Variants in KIAA1217 observed in about 807,000 individuals in gnomAD.
KIAA1217 encodes KIAA1217, also known as sickle tail protein homolog.
Under a neutral mutation model 163.9 loss-of-function variants are expected in KIAA1217, and 88 were observed. The ratio of observed to expected loss-of-function variants is 0.54; its 90% CI spans 0.45 to 0.64. KIAA1217 has a LOEUF of 0.64. Among genes scored for constraint, KIAA1217 ranks in the 30% least tolerant of loss-of-function variants. KIAA1217 has a pLI of 0.00. For missense variants in KIAA1217, 2,372 were observed against 2,475.0 expected (o/e 0.96, Z 0.88); for synonymous variants, 903 against 923.1 (o/e 0.98, Z 0.39).
In KIAA1217 at chr10:23,925,502, G is replaced by A. The variant is rs577681358; in HGVS notation, c.-320-81723G>A. On this transcript the variant is annotated intron_variant, in intron 1 of 18. Transcript: ENST00000376462. ...CAAGGATCAGTCTCTTTTGACTGTC[G>A]CTGGACTTTTCCAACTCGTTTAATA... 7.9e-5 allele frequency among the ~76,000 whole-genome samples: 12 copies of A among 152,296 alleles called. No homozygotes were observed. The South Asian group carries it at 1.7e-3, about 21-fold the overall frequency.
intron 3 of KIAA1217, among the ~76,000 whole-genome samples, chr10:24,423,910 G>T (rs184973916): frequency 6.6e-6 from 1 of 152,052 alleles, no homozygotes; most frequent in Non-Finnish European, 1.5e-5. Context: ...ATAAAGATTC[G>T]TCTAGAGACT....
At chr10:23,719,129 CA>C (rs1300452890) in intron 1 of KIAA1217, among the ~76,000 whole-genome samples, 7 of 152,192 alleles carry the variant, frequency 4.6e-5, no homozygotes, top group Non-Finnish European at 7.4e-5. Context: ...GCTCTATTGA[CA>C]ATGACCAAAA....
In KIAA1217 at chr10:24,473,645, A is replaced by G. The variant is rs1193510074; in HGVS notation, c.1264A>G (p.Ile422Val). The G allele has an allele frequency of 4.3e-6, 7 of 1,613,962 alleles. No homozygotes were observed. The Admixed American group carries it at 6.7e-5, about 15-fold the overall frequency. Residue 422 changes from isoleucine to valine, a missense_variant, in exon 6 of 21, where the codon ATT (isoleucine) becomes GTT (valine). Coordinates refer to ENST00000376454, the MANE Select transcript of KIAA1217 (RefSeq NM_019590.5). ...CCCACTGGATGTCCCCGACCACATC[A>G]TTGCATATCACCGCACCGCCATCCG... ...GHPLDVPDHI[I>V]AYHRTAIRSA...
At chr10:24,141,283 G>A (rs923408713) in intron 2 of KIAA1217, among the ~76,000 whole-genome samples, 9 of 131,748 alleles carry the variant, frequency 6.8e-5, no homozygotes, top group East Asian at 4.4e-4. Context: ...GAAGGAGAAC[G>A]TTCCCCTCCA....
At chr10:24,399,252 T>G (rs2056231893) in intron 3 of KIAA1217, among the ~76,000 whole-genome samples, 1 of 152,232 alleles carries the variant, frequency 6.6e-6, no homozygotes. Context: ...TCTATTGCAT[T>G]CTAAGGTAGG....
chr10:24,460,754 C>T (rs569633725), intron 5 of KIAA1217, among the ~76,000 whole-genome samples: 35 of 152,234 alleles, frequency 2.3e-4, no homozygotes, highest in African/African-American at 7.9e-4. Flanking sequence ...CTACTGAGAT[C>T]AATATGAACA....
At chr10:24,370,519 A>G (rs2051480535) in intron 2 of KIAA1217, among the ~76,000 whole-genome samples, 1 of 152,198 alleles carries the variant, frequency 6.6e-6, no homozygotes, top group South Asian at 2.1e-4. Flanking sequence ...TGCCTTTATA[A>G]AAGGTACACT....
chr10:24,342,899 C>T (rs1254118003), intron 2 of KIAA1217, among the ~76,000 whole-genome samples: 2 of 152,038 alleles, frequency 1.3e-5, no homozygotes, highest in East Asian at 3.9e-4. Flanking sequence ...CTCGGGGATC[C>T]GCCGACCTCT....
At chr10:23,981,415 C>T (rs374207149) in intron 1 of KIAA1217, among the ~76,000 whole-genome samples, 4 of 152,078 alleles carry the variant, frequency 2.6e-5, no homozygotes, top group South Asian at 4.1e-4. Flanking sequence ...CTTTGTTCAA[C>T]GTGGGCAGAT....
At chr10:24,093,637 TG>T (rs1317827591) in intron 2 of KIAA1217, among the ~76,000 whole-genome samples, 1 of 151,324 alleles carries the variant, frequency 6.6e-6, no homozygotes, top group African/African-American at 2.4e-5. Context: ...TCAGTTATAA[TG>T]GTTACTTTTT....
At chr10:24,282,727 G>T (rs1324351870) in intron 2 of KIAA1217, among the ~76,000 whole-genome samples, 2 of 151,012 alleles carry the variant, frequency 1.3e-5, no homozygotes, top group Non-Finnish European at 2.9e-5. Flanking sequence ...GATACTCCAG[G>T]CTCATCTTCT....
intron 1 of KIAA1217, among the ~76,000 whole-genome samples, chr10:23,823,272 C>T (rs1263578793): frequency 6.6e-6 from 1 of 152,214 alleles, no homozygotes; most frequent in East Asian, 1.9e-4. Flanking sequence ...GGTCCTGCTT[C>T]CTTGCCTGCT....
chr10:23,871,350 GT>G (rs1456139964), intron 1 of KIAA1217, among the ~76,000 whole-genome samples: 1 of 152,030 alleles, frequency 6.6e-6, no homozygotes, highest in Non-Finnish European at 1.5e-5. Context: ...ACCACCAACT[GT>G]TACTCTGCAG....
intron 2 of KIAA1217, chr10:24,368,743 TCTC>T (rs1207310826): frequency 2.0e-6 from 1 of 505,022 alleles, no homozygotes; most frequent in Non-Finnish European, 2.5e-6. Context: ...TTTGTACCCT[TCTC>T]CTCTCACATA....
chr10:24,224,912 C>T (rs540905872), intron 2 of KIAA1217, among the ~76,000 whole-genome samples: 11 of 149,732 alleles, frequency 7.3e-5, no homozygotes, highest in South Asian at 2.1e-4. Context: ...CTGCAAGCTC[C>T]GCCTCCCAGG....
intron 1 of KIAA1217, among the ~76,000 whole-genome samples, chr10:23,810,418 C>T (rs1014242899): frequency 7.0e-6 from 1 of 143,190 alleles, no homozygotes; most frequent in Non-Finnish European, 1.5e-5. Context: ...AATATATATA[C>T]ACACACGCTA....
chr10:24,271,505 C>G (rs1173896512), intron 2 of KIAA1217, among the ~76,000 whole-genome samples: 1 of 152,134 alleles, frequency 6.6e-6, no homozygotes, highest in Non-Finnish European at 1.5e-5. Flanking sequence ...AATTCTAGCA[C>G]TTTGGGAGGC....
intron 2 of KIAA1217, among the ~76,000 whole-genome samples, chr10:24,306,618 A>T (rs759089045): frequency 7.2e-5 from 11 of 152,208 alleles, no homozygotes; most frequent in Non-Finnish European, 1.6e-4. Context: ...GAAGCCATAG[A>T]AAGTGTCAGG....
chr10:24,282,205 A>AT (rs2078022825), intron 2 of KIAA1217, among the ~76,000 whole-genome samples: 1 of 23,084 alleles, frequency 4.3e-5, no homozygotes, highest in African/African-American at 3.2e-4. Context: ...ACCTCTACAA[A>AT]ATTTTTTTTT....
Sources: gnomAD v4.1 joint callset for allele counts (sites outside exome capture counted in the v4.1 genomes callset) on GRCh38, gnomAD v4.1.1 for gene constraint, MANE v1.5 for transcripts, NCBI Gene and HGNC (gene_info 2026-07-23, HGNC 2026-07-21) for gene names.